Variants in CCDC88A observed in about 807,000 individuals in gnomAD.
CCDC88A encodes girdin.
Under a neutral mutation model 234.3 loss-of-function variants are expected in CCDC88A, and 54 were observed. The ratio of observed to expected loss-of-function variants is 0.23; its 90% CI spans 0.19 to 0.29. CCDC88A has a LOEUF of 0.29. Ranked by LOEUF, CCDC88A falls within the 10% of genes least tolerant of loss-of-function variation. CCDC88A has a pLI of 1.00. For missense variants in CCDC88A, 1,832 were observed against 2,123.4 expected (o/e 0.86, Z 2.70); for synonymous variants, 753 against 737.8 (o/e 1.02, Z -0.33).
chr2:55,323,012 T>A (rs901010025), intron 17 of CCDC88A: 6 of 172,094 alleles, frequency 3.5e-5, no homozygotes, highest in Non-Finnish European at 7.3e-5. Flanking sequence ...TATAACCAGG[T>A]TAGAAATTTC....
chr2:55,299,675 A>G (rs1680645707), intron 29 of CCDC88A, among the ~76,000 whole-genome samples, 164 bp downstream of exon 29: 1 of 152,238 alleles, frequency 6.6e-6, no homozygotes, highest in African/African-American at 2.4e-5. Flanking sequence ...ATACATTGAA[A>G]TACATTTGTA....
rs78591890 is a variant in CCDC88A at position 55,389,485 on chromosome 2, G to A, written c.165-599C>T. 4.3e-4 allele frequency among the ~76,000 whole-genome samples: 65 copies of A among 152,266 alleles called. No homozygotes were observed. The East Asian group carries it at 0.012, about 27-fold the overall frequency. ...GCGGCACCTCCACACAAGGATGCAGGAAAGTCAAGAAATCGACACCCATCC... is the reference window on the plus strand; with the variant it reads ...GCGGCACCTCCACACAAGGATGCAGAAAAGTCAAGAAATCGACACCCATCC... On this transcript the variant is annotated intron_variant, in intron 2 of 32. Coordinates refer to ENST00000436346, the MANE Select transcript of CCDC88A (RefSeq NM_001365480.1).
chr2:55,384,650 C>CAT lies in CCDC88A; in HGVS notation c.273+4126_273+4127dup, dbSNP rs200509165. Among the ~76,000 whole-genome samples the CAT allele has an allele frequency of 8.9e-3, 38 of 4,252 alleles. 10 individuals carry two copies. Among genetic ancestry groups the CAT allele is most frequent in the African/African-American group, 0.039 (21 of 538 alleles). The allele number at this position is 4,252 out of a possible 152,430, so 2.8% of individuals were successfully genotyped here. A position where few individuals can be genotyped will look rare whatever the true frequency, so the allele number is the denominator to read the frequency against. ...ATATATGTATATATGTGTATATATA[C>CAT]ATATATATATATATATATTTTTTAA... On this transcript the variant is annotated intron_variant, in intron 3 of 32. Transcript: ENST00000436346.
At chr2:55,298,811 G>A (rs1680510526) in intron 29 of CCDC88A, among the ~76,000 whole-genome samples, 1 of 144,346 alleles carries the variant, frequency 6.9e-6, no homozygotes, top group African/African-American at 2.6e-5. Context: ...GGAGGCAGAA[G>A]TTGCAGTGAT....
At chr2:55,416,700 A>G (rs1409925551) in intron 2 of CCDC88A, among the ~76,000 whole-genome samples, 4 of 151,412 alleles carry the variant, frequency 2.6e-5, no homozygotes, top group Non-Finnish European at 5.9e-5. Context: ...TTTACTAGGT[A>G]TAGAGTTACA....
chr2:55,332,478 T>C lies in CCDC88A; in HGVS notation c.2855+88A>G. On this transcript the variant is annotated intron_variant, in intron 16 of 32. Coordinates refer to ENST00000436346, the MANE Select transcript of CCDC88A (RefSeq NM_001365480.1). This position sits in a 1 kb window ranked among gnomAD's most constrained non-coding sequence, Gnocchi z 4.5. ...AGAAATAGGGTGAAATATATAAATG[T>C]TTTCTATAGCTAGTACAGAAAGAAT... 6.6e-7 allele frequency: 1 copy of C among 1,505,060 alleles called. No homozygotes were observed. Among genetic ancestry groups the C allele is most frequent in the Non-Finnish European group, 8.8e-7 (1 of 1,135,126 alleles). 93.2% of individuals were successfully genotyped at this position (1,505,060 alleles called of 1,614,324 possible).
At chr2:55,291,831 C>A in intron 31 of CCDC88A, 56 bp from the exon 32 acceptor site, 5 of 1,386,272 alleles carry the variant, frequency 3.6e-6, no homozygotes, top group South Asian at 2.3e-5. Flanking sequence ...AAATACAATT[C>A]AGAAGATAAG....
chr2:55,296,389 G>A lies in CCDC88A; in HGVS notation c.4960C>T (p.Pro1654Ser). Residue 1654 changes from proline to serine, a missense_variant, in exon 30 of 33, where the codon CCA becomes TCA. Pro to Ser is a moderately conservative substitution (Grantham distance 74, BLOSUM62 -1). Coordinates refer to ENST00000436346, the MANE Select transcript of CCDC88A (RefSeq NM_001365480.1). ...QYLKRQTRSSPVLQHKISETL... is the reference protein window; with the variant it reads ...QYLKRQTRSSSVLQHKISETL... ...TCAGATATTTTGTGCTGGAGCACTG[G>A]GCTTGATCTGGTCTGTCTTTTCAAG... 1 of 1,614,176 alleles carries A rather than the reference G, an allele frequency of 6.2e-7. No homozygotes were observed. The highest frequency in any genetic ancestry group is 2.2e-5 in the East Asian group (1 of 44,874).
Position 55,328,550 on chromosome 2 carries a change from T to G in CCDC88A, c.2856-115A>C. 2 of 649,484 alleles carry G rather than the reference T, an allele frequency of 3.1e-6. No individual in the cohort carries two copies. The highest frequency in any genetic ancestry group is 4.8e-6 in the Non-Finnish European group (2 of 414,328). 40.2% of individuals were successfully genotyped at this position (649,484 alleles called of 1,614,324 possible). A position where few individuals can be genotyped will look rare whatever the true frequency, so the allele number is the denominator to read the frequency against. ...AATGGGTCTTATAAAAGCATTTTTG[T>G]TAAAGAGGCAAATGAAATTATCCTC... On this transcript the variant is annotated intron_variant, in intron 16 of 32. Coordinates refer to ENST00000436346, the MANE Select transcript of CCDC88A (RefSeq NM_001365480.1). The surrounding 1 kb of genome is among the most constrained non-coding windows in gnomAD (Gnocchi z 4.3).
Position 55,308,589 on chromosome 2 carries a change from A to G in CCDC88A, c.4387+220T>C, listed in dbSNP as rs1009909077. On this transcript the variant is annotated intron_variant, in intron 25 of 32. Transcript: ENST00000436346. ...CTCTTATTTTAACTTTCTTTCTGCA[A>G]TATTTTACCCCTCTGGCCAAATGAT... The G allele has an allele frequency of 1.2e-4, 55 of 465,908 alleles. No individual in the cohort carries two copies. In the Middle Eastern group the frequency reaches 3.4e-3, roughly 29 times the overall value. The allele number at this position is 465,908 out of a possible 1,614,324, so 28.9% of individuals were successfully genotyped here.
chr2:55,397,499 C>CTAATTTGGATTATCCAAATGCA (rs1275697770), intron 2 of CCDC88A: 17 of 151,882 alleles, frequency 1.1e-4, no homozygotes, highest in Admixed American at 4.6e-4. Context: ...TTGGATTATA[C>CTAATTTGGATTATCCAAATGCA]TAATTTGGAT....
Position 55,288,970 on chromosome 2 carries a change from AT to A in CCDC88A, c.*2229del, listed in dbSNP as rs1161628441. 6.6e-6 allele frequency: 1 copy of A among 152,290 alleles called. No homozygotes were observed. Among genetic ancestry groups the A allele is most frequent in the East Asian group, 1.9e-4 (1 of 5,204 alleles). 9.4% of individuals were successfully genotyped at this position (152,290 alleles called of 1,614,324 possible). A position where few individuals can be genotyped will look rare whatever the true frequency, so the allele number is the denominator to read the frequency against. ...CTGTCTAGTCGTTTCTTGAAATGGT[AT>A]GAAAAAAGTGTGATGAATATAATTG... is the stretch of plus-strand genomic sequence containing the variant. On this transcript the variant is annotated 3_prime_UTR_variant, in exon 33 of 33. Coordinates refer to ENST00000436346, the MANE Select transcript of CCDC88A (RefSeq NM_001365480.1).
intron 17 of CCDC88A, among the ~76,000 whole-genome samples, chr2:55,325,717 C>T (rs958318422): frequency 2.0e-5 from 3 of 152,140 alleles, no homozygotes; most frequent in African/African-American, 7.2e-5. Flanking sequence ...ATTGAACTCT[C>T]TTACTGTAAT....
chr2:55,419,205 T>A lies in CCDC88A; in HGVS notation c.-126A>T, dbSNP rs1272641865. On this transcript the variant is annotated 5_prime_UTR_variant, in exon 1 of 33. Transcript: ENST00000436346. ...TCGGCAAGGGAGAAAAATCCCATCGTGGAGGAGGGGGGCACTCTCCCTCCT... is the reference window on the plus strand; with the variant it reads ...TCGGCAAGGGAGAAAAATCCCATCGAGGAGGAGGGGGGCACTCTCCCTCCT... The A allele has an allele frequency of 1.2e-5, 8 of 653,588 alleles. No homozygotes were observed. The highest frequency in any genetic ancestry group is 7.3e-5 in the African/African-American group (4 of 54,758). 40.5% of individuals were successfully genotyped at this position (653,588 alleles called of 1,614,324 possible).
intron 2 of CCDC88A, among the ~76,000 whole-genome samples, chr2:55,410,666 T>C (rs1680314676): frequency 6.6e-6 from 1 of 152,052 alleles, no homozygotes. Context: ...GGTGGATAGC[T>C]TGAACCCAGG....
In CCDC88A at chr2:55,419,158, T is replaced by A; in HGVS notation, c.-79A>T. 1 of 844,762 alleles carries A rather than the reference T, an allele frequency of 1.2e-6. No individual in the cohort carries two copies. The highest frequency in any genetic ancestry group is 2.0e-6 in the Non-Finnish European group (1 of 507,942). 52.3% of individuals were successfully genotyped at this position (844,762 alleles called of 1,614,324 possible). On this transcript the variant is annotated 5_prime_UTR_variant, in exon 1 of 33. Coordinates refer to ENST00000436346, the MANE Select transcript of CCDC88A (RefSeq NM_001365480.1). Reference sequence around the variant, plus strand: ...ATTGGTCACTAAACGTGGAAGTAAGTAGAAATCAATGAAAGTCCATTTCGG... The same window carrying A: ...ATTGGTCACTAAACGTGGAAGTAAGAAGAAATCAATGAAAGTCCATTTCGG...
chr2:55,334,465 G>T lies in CCDC88A; in HGVS notation c.2356C>A (p.Leu786Ile), dbSNP rs61358842. The change falls in exon 15 of 33, where the codon CTA (leucine) becomes ATA (isoleucine). Residue 786 changes from leucine to isoleucine, a missense_variant. Coordinates refer to ENST00000436346, the MANE Select transcript of CCDC88A (RefSeq NM_001365480.1). The surrounding 1 kb of genome is among the most constrained non-coding windows in gnomAD (Gnocchi z 6.1). ...TGATTTTCCATCTCTAAGTCTTGTAGTTCACTCTCTAATTGCTGGATTTTT... is the reference window on the plus strand; with the variant it reads ...TGATTTTCCATCTCTAAGTCTTGTATTTCACTCTCTAATTGCTGGATTTTT... Reference protein sequence around the residue: ...NKKIQQLESELQDLEMENQTL... With the variant: ...NKKIQQLESEIQDLEMENQTL... 1.8e-5 allele frequency: 29 copies of T among 1,600,426 alleles called. No homozygotes were observed. The highest frequency in any genetic ancestry group is 2.3e-5 in the Non-Finnish European group (27 of 1,175,948).
intron 2 of CCDC88A, chr2:55,417,180 T>C (rs1200645795): frequency 6.6e-6 from 1 of 151,934 alleles, no homozygotes; most frequent in African/African-American, 2.4e-5. Context: ...GCTAAGTATT[T>C]AGGATGCAAA....
At chr2:55,352,476 A>C (rs1670017139) in intron 8 of CCDC88A, among the ~76,000 whole-genome samples, 2 of 151,958 alleles carry the variant, frequency 1.3e-5, no homozygotes, top group Non-Finnish European at 2.9e-5. Context: ...TTGGTGTGTG[A>C]TGACTGTACA....
Sources: gnomAD v4.1 joint callset for allele counts (sites outside exome capture counted in the v4.1 genomes callset) on GRCh38, gnomAD v4.1.1 for gene constraint, Gnocchi (gnomAD v3.1) non-coding constraint, MANE v1.5 for transcripts, NCBI Gene and HGNC (gene_info 2026-07-23, HGNC 2026-07-21) for gene names.